Variants in SLC25A51 observed in about 807,000 individuals in gnomAD.
The protein encoded by SLC25A51 is solute carrier family 25 member 51, also known as mitochondrial nicotinamide adenine dinucleotide transporter SLC25A51.
In SLC25A51, 11 loss-of-function variants were observed where a neutral mutation model predicts 19.1. The ratio of observed to expected loss-of-function variants is 0.58; its 90% CI spans 0.36 to 0.96. SLC25A51 has a LOEUF of 0.96. SLC25A51 is among the 40% of genes least tolerant of loss of function. The probability of loss-of-function intolerance (pLI) is 0.01; values close to 1 mark genes in which losing one functional copy is unlikely to be tolerated. For synonymous variants in SLC25A51, 105 were observed against 133.6 expected (o/e 0.79, Z 1.47); for missense variants, 201 against 365.4 (o/e 0.55, Z 3.67).
At chr9:37,891,267 C>T (rs562661322) in intron 2 of SLC25A51, among the ~76,000 whole-genome samples, 11 of 152,278 alleles carry the variant, frequency 7.2e-5, no homozygotes, top group South Asian at 2.1e-4. Context: ...CCAGCCGCCC[C>T]GTCCGGGAGG....
downstream of SLC25A51, chr9:37,885,937 T>C: frequency 7.4e-6 from 12 of 1,612,266 alleles, no homozygotes; most frequent in South Asian, 1.3e-4. Flanking sequence ...ATAAAACCAT[T>C]GATGAGGAAC....
chr9:37,877,900 G>A (rs1320798397), downstream of SLC25A51, among the ~76,000 whole-genome samples: 1 of 152,104 alleles, frequency 6.6e-6, no homozygotes, highest in African/African-American at 2.4e-5. Context: ...CCCAGCTACT[G>A]GCAATGCTGA....
chr9:37,892,732 C>T (rs1335825568), intron 2 of SLC25A51, among the ~76,000 whole-genome samples: 1 of 151,418 alleles, frequency 6.6e-6, no homozygotes, highest in East Asian at 1.9e-4. Flanking sequence ...TGCCACCACA[C>T]CTGGTTAATT....
chr9:37,884,527 T>C (rs10973595), downstream of SLC25A51, among the ~76,000 whole-genome samples: 397 of 152,340 alleles, frequency 2.6e-3, 19 homozygotes, highest in East Asian at 0.072. Context: ...CTGAGCCTTT[T>C]TTCCCCTCTC....
intron 1 of SLC25A51, among the ~76,000 whole-genome samples, chr9:37,902,705 C>CTT (rs1200074499): frequency 6.6e-6 from 1 of 152,174 alleles, no homozygotes; most frequent in Non-Finnish European, 1.5e-5. Flanking sequence ...TTGTTTGCTA[C>CTT]GTAAAACTAT....
At chr9:37,889,806 T>C (rs993805223) in intron 2 of SLC25A51, among the ~76,000 whole-genome samples, 1 of 150,578 alleles carries the variant, frequency 6.6e-6, no homozygotes, top group African/African-American at 2.5e-5. Context: ...TTCTGTAAAA[T>C]GCATGATCTT....
intron 2 of SLC25A51, among the ~76,000 whole-genome samples, chr9:37,888,962 A>G (rs1198854501): frequency 6.6e-6 from 1 of 152,224 alleles, no homozygotes; most frequent in African/African-American, 2.4e-5. Context: ...AAAAAATGGG[A>G]GGCATGAATG....
downstream of SLC25A51, among the ~76,000 whole-genome samples, chr9:37,884,532 CCT>C (rs1226933561): frequency 2.0e-5 from 3 of 152,052 alleles, no homozygotes; most frequent in South Asian, 2.1e-4. Context: ...CCTTTTTTCC[CCT>C]CTCTTTAACA....
chr9:37,887,463 T>C (rs1831485909), downstream of SLC25A51: 1 of 623,980 alleles, frequency 1.6e-6, no homozygotes, highest in South Asian at 2.4e-5. Context: ...CTTGAGACTT[T>C]CCTTTGTGTG....
chr9:37,897,497 G>C (rs7866817), intron 2 of SLC25A51, among the ~76,000 whole-genome samples: 4,684 of 152,052 alleles, frequency 0.031, 252 homozygotes, highest in African/African-American at 0.11. Context: ...CAGTTTTTTG[G>C]TGAACGTTTT....
chr9:37,902,840 A>T (rs1831876747), intron 1 of SLC25A51, among the ~76,000 whole-genome samples: 1 of 152,240 alleles, frequency 6.6e-6, no homozygotes, highest in South Asian at 2.1e-4. Context: ...ATGGATCAGC[A>T]TGATACAGAT....
At chr9:37,892,855 T>G (rs1301797283) in intron 2 of SLC25A51, among the ~76,000 whole-genome samples, 1 of 152,098 alleles carries the variant, frequency 6.6e-6, no homozygotes, top group East Asian at 1.9e-4. Flanking sequence ...TTTTACTGCC[T>G]CAGCCTCCCA....
chr9:37,882,160 T>A (rs1831360558), intron 2 of SLC25A51, among the ~76,000 whole-genome samples: 1 of 152,250 alleles, frequency 6.6e-6, no homozygotes. Context: ...TTCAAGAGAA[T>A]ACCTGTTCAA....
intron 1 of SLC25A51, chr9:37,903,576 G>A (rs567502636): frequency 2.6e-5 from 4 of 152,376 alleles, no homozygotes; most frequent in Admixed American, 1.3e-4. Context: ...GGCGGGGAGG[G>A]GGTTGGACAA....
chr9:37,897,209 ATTTTAAAT>A (rs995132321), intron 2 of SLC25A51, among the ~76,000 whole-genome samples: 6 of 151,912 alleles, frequency 3.9e-5, no homozygotes, highest in Non-Finnish European at 8.8e-5. Context: ...TTACTATTAT[ATTTTAAAT>A]TTTTAAATTT....
At chr9:37,890,676 AC>A (rs1225873966) in intron 2 of SLC25A51, among the ~76,000 whole-genome samples, 23 of 151,540 alleles carry the variant, frequency 1.5e-4, no homozygotes, top group Admixed American at 1.5e-3. Context: ...AGCCTGGGTG[AC>A]AGAGTAATAC....
At chr9:37,889,910 T>C (rs1831541994) in intron 2 of SLC25A51, among the ~76,000 whole-genome samples, 1 of 152,042 alleles carries the variant, frequency 6.6e-6, no homozygotes, top group Non-Finnish European at 1.5e-5. Context: ...CTTCCAGTTC[T>C]GGTCTTGGAA....
At position 37,888,372 on chromosome 9, in the gene SLC25A51, A is replaced by G; in HGVS notation, c.179T>C (p.Leu60Pro). Reference sequence around the variant, plus strand: ...TGCATCCCGGGTTTTGATGCCATACAGCTGTTGTCGAAAGAGGACCTTCTG... The same window carrying G: ...TGCATCCCGGGTTTTGATGCCATACGGCTGTTGTCGAAAGAGGACCTTCTG... ...PIQKVLFRQQ[L>P]YGIKTRDAIL... Residue 60 changes from leucine to proline, a missense_variant, in exon 3 of 3, where the codon CTG becomes CCG. By Grantham distance (98) the Leu-to-Pro change is moderately conservative (BLOSUM62 -3). Transcript: ENST00000242275. 3 of 1,614,282 alleles carry G rather than the reference A, an allele frequency of 1.9e-6. No individual in the cohort carries two copies. Among genetic ancestry groups the G allele is most frequent in the South Asian group, 1.1e-5 (1 of 91,092 alleles).
In SLC25A51 at chr9:37,887,696, T is replaced by C. The variant is rs1831492712; in HGVS notation, c.855A>G (p.Ile285Met). The change falls in exon 3 of 3, where the codon ATA (isoleucine) becomes ATG (methionine). Residue 285 changes from isoleucine (I) to methionine (M), a missense_variant. Coordinates refer to ENST00000242275, the MANE Select transcript of SLC25A51 (RefSeq NM_033412.4). ...NYHRSLISWG[I>M]INATYEFLLK... ...ACAAGAACTCATAAGTTGCATTGAT[T>C]ATGCCCCAAGAGATGAGGGACCGAT... is the stretch of plus-strand genomic sequence containing the variant. 6.2e-7 allele frequency: 1 copy of C among 1,613,114 alleles called. No homozygotes were observed. Among genetic ancestry groups the C allele is most frequent in the Non-Finnish European group, 8.5e-7 (1 of 1,179,648 alleles).
Sources: allele counts gnomAD v4.1 joint callset (sites outside exome capture counted in the v4.1 genomes callset), GRCh38; gene constraint gnomAD v4.1.1; transcripts MANE v1.5; gene names NCBI Gene and HGNC (gene_info 2026-07-23, HGNC 2026-07-21).